CCDC122: variants seen among roughly 807,000 people sequenced by gnomAD.
The protein encoded by CCDC122 is coiled-coil domain-containing protein 122.
A neutral mutation model predicts 37.0 loss-of-function variants in CCDC122; 38 were observed. The ratio of observed to expected loss-of-function variants is 1.03; its 90% CI spans 0.79 to 1.35. The LOEUF is 1.35. Ranked by LOEUF, CCDC122 falls within the 40% of genes most tolerant of loss-of-function variation. The pLI, the probability that CCDC122 is intolerant of heterozygous loss-of-function variation, is 0.00. For synonymous variants in CCDC122, 83 were observed against 95.6 expected (o/e 0.87, Z 0.77); for missense variants, 305 against 310.0 (o/e 0.98, Z 0.12).
chr13:43,827,349 TAA>T (rs1348148700), intron 3 of CCDC122, among the ~76,000 whole-genome samples: 2 of 152,260 alleles, frequency 1.3e-5, no homozygotes, highest in Non-Finnish European at 2.9e-5. Flanking sequence ...TTATAAATCA[TAA>T]GTGAATTATC....
At position 43,836,643 on chromosome 13, in the gene CCDC122, G is replaced by A. The variant is rs1953169087; in HGVS notation, c.*637C>T. ...AGGCGGGTGGATCATGAGGTCAGGA[G>A]ATCGAGACCATCCTGGCTAACAAGG... On this transcript the variant is annotated 3_prime_UTR_variant, in exon 7 of 7. Transcript: ENST00000444614. 6.6e-6 allele frequency: 1 copy of A among 151,644 alleles called. No individual in the cohort carries two copies. The highest frequency in any genetic ancestry group is 1.5e-5 in the Non-Finnish European group (1 of 67,874). The allele number at this position is 151,644 out of a possible 1,614,324, so 9.4% of individuals were successfully genotyped here.
downstream of CCDC122, among the ~76,000 whole-genome samples, chr13:43,835,742 C>T (rs74068671): frequency 0.034 from 5,104 of 152,106 alleles, 136 homozygotes; most frequent in East Asian, 0.075. Flanking sequence ...TTTTTATAAG[C>T]GATAACTACA....
chr13:43,828,353 G>A (rs545292276), intron 3 of CCDC122, among the ~76,000 whole-genome samples: 2 of 152,062 alleles, frequency 1.3e-5, no homozygotes, highest in East Asian at 1.9e-4. Flanking sequence ...GGAATGTTTC[G>A]AGCCTAATGA....
chr13:43,871,010 C>T (rs979257629), intron 2 of CCDC122, among the ~76,000 whole-genome samples: 19 of 152,062 alleles, frequency 1.2e-4, no homozygotes, highest in African/African-American at 3.1e-4. Flanking sequence ...GTCAGTGCTT[C>T]GGAGCTGACT....
chr13:43,855,713 T>C (rs1953887394), intron 6 of CCDC122: 1 of 151,556 alleles, frequency 6.6e-6, no homozygotes, highest in African/African-American at 2.4e-5. Flanking sequence ...ACAAAAAACA[T>C]GCTGACAAGG....
At chr13:43,866,850 T>TTA (rs1954290442) in intron 4 of CCDC122, among the ~76,000 whole-genome samples, 2 of 151,510 alleles carry the variant, frequency 1.3e-5, no homozygotes, top group South Asian at 4.2e-4. Context: ...GGATTTTCTT[T>TTA]AAAAAAAAAT....
At position 43,859,792 on chromosome 13, in the gene CCDC122, T is replaced by C. The variant is rs1446885657; in HGVS notation, c.435A>G (p.Lys145=). The stretch of plus-strand genomic sequence containing the variant: ...CATGGAGTTCAGTCATAAATGACCA[T>C]TTGCTCTCTACTTCCCCCAAACTAT... ...HKNSLGEVES[K]WSFMTELHEK... Residue 145 remains lysine, a synonymous_variant, in exon 5 of 7, where the codon AAA becomes AAG. Coordinates refer to ENST00000444614, the MANE Select transcript of CCDC122 (RefSeq NM_144974.5). 3.7e-6 allele frequency: 6 copies of C among 1,610,004 alleles called. No homozygotes were observed. The Admixed American group carries it at 8.4e-5, about 23-fold the overall frequency.
At chr13:43,840,554 G>A (rs545084709) in intron 6 of CCDC122, among the ~76,000 whole-genome samples, 14 of 150,834 alleles carry the variant, frequency 9.3e-5, no homozygotes, top group African/African-American at 2.9e-4. Flanking sequence ...AACAGGCCCC[G>A]GTGCGTGATG....
In CCDC122 at chr13:43,860,051, T is replaced by G. The variant is rs767578482; in HGVS notation, c.176A>C (p.Glu59Ala). 1 of 1,524,396 alleles carries G rather than the reference T, an allele frequency of 6.6e-7. No individual in the cohort carries two copies. Among genetic ancestry groups the G allele is most frequent in the Non-Finnish European group, 8.8e-7 (1 of 1,134,224 alleles). The allele number at this position is 1,524,396 out of a possible 1,614,324, so 94.4% of individuals were successfully genotyped here. A position where few individuals can be genotyped will look rare whatever the true frequency, so the allele number is the denominator to read the frequency against. Residue 59 changes from glutamate to alanine, a missense_variant, in exon 5 of 7, where the codon GAA (glutamate) becomes GCA (alanine). Glu to Ala is a moderately radical substitution (Grantham distance 107). Transcript: ENST00000444614. ...TGCAGAGATAGCTGCTATTTCTTTT[T>G]CAAGCTCATGAAGTTCATTCTGTAA... ...FNLKNELHEL[E>A]KEIAAISAET...
chr13:43,837,208 A>C lies in CCDC122; in HGVS notation c.*72T>G, dbSNP rs1953193363. On this transcript the variant is annotated 3_prime_UTR_variant, in exon 7 of 7. Coordinates refer to ENST00000444614, the MANE Select transcript of CCDC122 (RefSeq NM_144974.5). ...TGGATGCTTGTTATTAAGAATCCAAAAGATTTTCTTAATGTTCTGTCCAGT... is the reference window on the plus strand; with the variant it reads ...TGGATGCTTGTTATTAAGAATCCAACAGATTTTCTTAATGTTCTGTCCAGT... 7 of 1,434,954 alleles carry C rather than the reference A, an allele frequency of 4.9e-6. No homozygotes were observed. The South Asian group carries it at 8.1e-5, about 17-fold the overall frequency. The allele number at this position is 1,434,954 out of a possible 1,614,324, so 88.9% of individuals were successfully genotyped here.
chr13:43,850,841 G>A (rs1436941530), intron 6 of CCDC122, among the ~76,000 whole-genome samples: 1 of 152,114 alleles, frequency 6.6e-6, no homozygotes, highest in African/African-American at 2.4e-5. Context: ...ACTCCAAAAA[G>A]GATATATGCA....
At chr13:43,849,574 T>G (rs1372964207) in intron 6 of CCDC122, among the ~76,000 whole-genome samples, 1 of 152,180 alleles carries the variant, frequency 6.6e-6, no homozygotes, top group Admixed American at 6.5e-5. Flanking sequence ...GACAGCAATC[T>G]GGAAATGCCA....
chr13:43,848,789 C>A, intron 6 of CCDC122: 1 of 801,982 alleles, frequency 1.2e-6, no homozygotes, highest in African/African-American at 1.9e-5. Context: ...ATGTAAAACA[C>A]AATATTTAAA....
At chr13:43,876,096 G>A (rs1954602591) in intron 1 of CCDC122, among the ~76,000 whole-genome samples, 1 of 152,194 alleles carries the variant, frequency 6.6e-6, no homozygotes, top group Non-Finnish European at 1.5e-5. Flanking sequence ...GAAGAGGTAA[G>A]TGAACCACCA....
downstream of CCDC122, among the ~76,000 whole-genome samples, chr13:43,820,542 C>T (rs961416116): frequency 6.6e-6 from 1 of 152,128 alleles, no homozygotes; most frequent in Non-Finnish European, 1.5e-5. Context: ...CTGATTACAA[C>T]ATCAAATATA....
intron 1 of CCDC122, among the ~76,000 whole-genome samples, chr13:43,877,302 T>C (rs943434812): frequency 6.6e-6 from 1 of 152,194 alleles, no homozygotes; most frequent in South Asian, 2.1e-4. Flanking sequence ...ATCTTCTCAA[T>C]AGATGGGCAA....
intron 6 of CCDC122, chr13:43,858,254 CAAT>C (rs1278782588): frequency 2.0e-5 from 3 of 152,274 alleles, no homozygotes; most frequent in South Asian, 2.1e-4. Context: ...TTCATCCAAA[CAAT>C]AATGACAATA....
chr13:43,820,758 G>A (rs981071), downstream of CCDC122, among the ~76,000 whole-genome samples: 140,132 of 152,238 alleles, frequency 0.92, 64,888 homozygotes, highest in South Asian at 0.98. Flanking sequence ...TAAGAATCAC[G>A]GGAAATAAAT....
chr13:43,862,062 C>G (rs772432935), intron 4 of CCDC122, among the ~76,000 whole-genome samples: 1 of 152,138 alleles, frequency 6.6e-6, no homozygotes, highest in Non-Finnish European at 1.5e-5. Context: ...CCCACTCCCC[C>G]AACTAGTCTG....
Sources: allele counts gnomAD v4.1 joint callset (sites outside exome capture counted in the v4.1 genomes callset), GRCh38; gene constraint gnomAD v4.1.1; transcripts MANE v1.5; gene names NCBI Gene and HGNC (gene_info 2026-07-23, HGNC 2026-07-21).